TEX26: variants seen among roughly 807,000 people sequenced by gnomAD.
TEX26 encodes testis expressed 26.
Under a neutral mutation model 35.3 loss-of-function variants are expected in TEX26, and 34 were observed. The observed-to-expected ratio is 0.96, with a 90% CI of 0.73 to 1.28. TEX26 has a LOEUF of 1.28. Ranked by LOEUF, TEX26 falls within the 50% of genes most tolerant of loss-of-function variation. TEX26 has a pLI of 0.00. For synonymous variants in TEX26, 136 were observed against 111.8 expected (o/e 1.22, Z -1.36); for missense variants, 371 against 330.1 (o/e 1.12, Z -0.96).
chr13:30,956,669 T>A (rs1259787855), intron 3 of TEX26, among the ~76,000 whole-genome samples: 1 of 152,188 alleles, frequency 6.6e-6, no homozygotes, highest in East Asian at 1.9e-4. Flanking sequence ...ATTTTCAATG[T>A]GAAAAGTCAA....
chr13:30,959,830 A>G (rs1289832681), intron 4 of TEX26, among the ~76,000 whole-genome samples: 1 of 152,226 alleles, frequency 6.6e-6, no homozygotes, highest in Non-Finnish European at 1.5e-5. Flanking sequence ...GACATAACGA[A>G]TGACAAAAGA....
chr13:30,955,617 AG>A (rs1313058130), intron 3 of TEX26, among the ~76,000 whole-genome samples: 2 of 152,362 alleles, frequency 1.3e-5, no homozygotes, highest in South Asian at 2.1e-4. Context: ...AGTAACTAGA[AG>A]GGGAAGTACA....
intron 3 of TEX26, among the ~76,000 whole-genome samples, chr13:30,953,629 G>T (rs1470120319): frequency 6.6e-6 from 1 of 152,074 alleles, no homozygotes; most frequent in African/African-American, 2.4e-5. Flanking sequence ...AAATCATTCT[G>T]TTGCCTCTAC....
chr13:30,939,777 C>T lies in TEX26; in HGVS notation c.145C>T (p.Arg49Cys), dbSNP rs1157272367. 12 of 1,612,428 alleles carry T rather than the reference C, an allele frequency of 7.4e-6. No individual in the cohort carries two copies. Among genetic ancestry groups the T allele is most frequent in the Admixed American group, 5.0e-5 (3 of 59,990 alleles). ...PKTGAVPALI[R>C]QNGIRRLGYT... ...AACAGGAGCAGTGCCTGCCTTAATT[C>T]GGTAGATCATTATTTGTGTTGGATT... Residue 49 changes from arginine to cysteine, a missense_variant and splice_region_variant, in exon 2 of 7, where the codon CGC becomes TGC. Transcript: ENST00000380473.
At chr13:30,969,320 G>C (rs751057408) in intron 6 of TEX26, among the ~76,000 whole-genome samples, 4 of 152,192 alleles carry the variant, frequency 2.6e-5, no homozygotes, top group Non-Finnish European at 5.9e-5. Flanking sequence ...TGGCTGAATT[G>C]CTCCAGGATG....
intron 4 of TEX26, among the ~76,000 whole-genome samples, chr13:30,959,799 T>G (rs1474123754): frequency 6.6e-6 from 1 of 152,114 alleles, no homozygotes; most frequent in African/African-American, 2.4e-5. Flanking sequence ...GTTTCTAGAT[T>G]GAAAGGGCCC....
At chr13:30,937,710 T>A (rs904565561) in intron 1 of TEX26, among the ~76,000 whole-genome samples, 16 of 152,202 alleles carry the variant, frequency 1.1e-4, no homozygotes, top group African/African-American at 3.9e-4. Context: ...TAGGAGTGCA[T>A]AGAAGCACAG....
intron 4 of TEX26, among the ~76,000 whole-genome samples, chr13:30,960,064 GAA>G (rs1046279857): frequency 7.9e-5 from 12 of 151,960 alleles, no homozygotes; most frequent in Non-Finnish European, 1.8e-4. Context: ...GTCTAATGAA[GAA>G]AAAAAGACAT....
In TEX26 at chr13:30,969,039, C is replaced by T; in HGVS notation, c.801C>T (p.Ser267=). 1 of 1,612,618 alleles carries T rather than the reference C, an allele frequency of 6.2e-7. No homozygotes were observed. The highest frequency in any genetic ancestry group is 2.2e-5 in the East Asian group (1 of 44,868). The change falls in exon 6 of 7, where the codon TCC becomes TCT. Residue 267 remains serine, a synonymous_variant. Transcript: ENST00000380473. ...SQVKEYLQSL[S]YKDRQIIDRF... is the part of the protein sequence containing the mutation. ...TCAAAGAGTACCTTCAGAGTCTTTCCTACAAAGGTAAGATGAGGTCTTATT... is the reference window on the plus strand; with the variant it reads ...TCAAAGAGTACCTTCAGAGTCTTTCTTACAAAGGTAAGATGAGGTCTTATT...
intron 4 of TEX26, among the ~76,000 whole-genome samples, chr13:30,962,483 T>C (rs1954381802): frequency 6.6e-6 from 1 of 152,188 alleles, no homozygotes. Flanking sequence ...TTAAGTCTGG[T>C]TGTACGCCTC....
intron 2 of TEX26, among the ~76,000 whole-genome samples, chr13:30,945,656 T>C (rs538282882): frequency 6.6e-5 from 10 of 152,060 alleles, no homozygotes; most frequent in South Asian, 4.1e-4. Context: ...CCTCAGCATT[T>C]GTTTGTCTGA....
intron 6 of TEX26, among the ~76,000 whole-genome samples, chr13:30,973,954 A>G (rs1954793242): frequency 6.6e-6 from 1 of 151,216 alleles, no homozygotes. Flanking sequence ...GTCTGGGATT[A>G]TACTAAAAGT....
rs869246492 is a variant in TEX26 at position 30,940,322 on chromosome 13, C to CTTTTTTTTTTTTTT, written c.146+560_146+573dup. Among the ~76,000 whole-genome samples the CTTTTTTTTTTTTTT allele has an allele frequency of 6.5e-4, 34 of 52,076 alleles. 7 individuals are homozygous for CTTTTTTTTTTTTTT. The highest frequency in any genetic ancestry group is 4.6e-3 in the East Asian group (7 of 1,514). The allele number at this position is 52,076 out of a possible 152,430, so 34.2% of individuals were successfully genotyped here. ...GTGGGAGTTTCTAAACATCAGCTGC[C>CTTTTTTTTTTTTTT]TTTTTTTTTTTTTTTTTTTTTTTTT... On this transcript the variant is annotated intron_variant, in intron 2 of 6. Transcript: ENST00000380473.
intron 2 of TEX26, among the ~76,000 whole-genome samples, chr13:30,950,342 G>T (rs1320196563): frequency 6.6e-6 from 1 of 152,008 alleles, no homozygotes; most frequent in Non-Finnish European, 1.5e-5. Context: ...GGAAGTGGAG[G>T]TTGCTCCACC....
intron 2 of TEX26, among the ~76,000 whole-genome samples, chr13:30,951,988 T>C (rs1953940537): frequency 8.0e-6 from 1 of 125,468 alleles, no homozygotes; most frequent in Non-Finnish European, 1.7e-5. Flanking sequence ...AGAAACAGAA[T>C]CATTATTCTG....
At chr13:30,966,611 G>C (rs569080593) in intron 5 of TEX26, among the ~76,000 whole-genome samples, 1 of 151,878 alleles carries the variant, frequency 6.6e-6, no homozygotes, top group Non-Finnish European at 1.5e-5. Context: ...CTAATTCTTT[G>C]TATTTTTAGT....
intron 6 of TEX26, among the ~76,000 whole-genome samples, chr13:30,971,368 C>G (rs1231268223): frequency 3.3e-5 from 5 of 152,136 alleles, no homozygotes; most frequent in Non-Finnish European, 7.4e-5. Context: ...AGGATTATCT[C>G]TCATAGGTTG....
rs547160789 is a variant in TEX26 at position 30,952,879 on chromosome 13, T to C, written c.312+54T>C. 132 of 1,455,748 alleles carry C rather than the reference T, an allele frequency of 9.1e-5. No individual in the cohort carries two copies. The African/African-American group carries it at 1.8e-3, about 20-fold the overall frequency. The allele number at this position is 1,455,748 out of a possible 1,614,324, so 90.2% of individuals were successfully genotyped here. ...TTTAATACTGTACTGTATCAACAAC[T>C]CATAAGAATGAGAGTTTAAATATGT... On this transcript the variant is annotated intron_variant, in intron 3 of 6. Transcript: ENST00000380473.
intron 2 of TEX26, among the ~76,000 whole-genome samples, chr13:30,948,158 G>C (rs1020162684): frequency 1.3e-5 from 2 of 152,112 alleles, no homozygotes; most frequent in Admixed American, 6.6e-5. Context: ...ATTTGGGTTG[G>C]TTCCTAGTCT....
Sources: allele counts gnomAD v4.1 joint callset (sites outside exome capture counted in the v4.1 genomes callset), GRCh38; gene constraint gnomAD v4.1.1; transcripts MANE v1.5; gene names NCBI Gene and HGNC (gene_info 2026-07-23, HGNC 2026-07-21).